The following MACROD2 variants were observed in gnomAD, a reference collection of about 807,000 sequenced individuals.
MACROD2 encodes mono-ADP ribosylhydrolase 2.
MACROD2 carries 36 observed loss-of-function variants against 70.4 expected under a neutral mutation model. The observed-to-expected ratio is 0.51, with a 90% CI of 0.39 to 0.68. The LOEUF is 0.68. MACROD2 is among the 30% of genes least tolerant of loss of function. The probability of loss-of-function intolerance (pLI) is 0.00; values close to 1 mark genes in which losing one functional copy is unlikely to be tolerated. For missense variants in MACROD2, 496 were observed against 538.4 expected, an observed-to-expected ratio of 0.92 and a Z score of 0.78; for synonymous variants, 172 against 178.8, an observed-to-expected ratio of 0.96 and a Z score of 0.30.
chr20:14,083,169 C>T (rs555053077), intron 2 of MACROD2, among the ~76,000 whole-genome samples: 41 of 149,474 alleles, frequency 2.7e-4, no homozygotes, highest in Admixed American at 8.0e-4. Context: ...TGGTGGCTCG[C>T]GCTTGTAATC....
chr20:14,695,187 G>T (rs2071109157), intron 5 of MACROD2, among the ~76,000 whole-genome samples: 1 of 152,100 alleles, frequency 6.6e-6, no homozygotes, highest in Non-Finnish European at 1.5e-5. Context: ...GTGTCAGCAG[G>T]ACCATGCCCC....
At chr20:15,129,522 G>A (rs1033240817) in intron 5 of MACROD2, among the ~76,000 whole-genome samples, 2 of 152,046 alleles carry the variant, frequency 1.3e-5, no homozygotes, top group East Asian at 1.9e-4. Context: ...TATTTTAAAT[G>A]CACTGAAGAA....
intron 6 of MACROD2, among the ~76,000 whole-genome samples, chr20:15,327,449 G>A (rs940964076): frequency 1.3e-5 from 2 of 152,112 alleles, no homozygotes; most frequent in African/African-American, 2.4e-5. Flanking sequence ...TGGCATGACT[G>A]GAATCCTCAG....
chr20:15,796,184 C>T (rs921406364), intron 8 of MACROD2, among the ~76,000 whole-genome samples: 7 of 152,212 alleles, frequency 4.6e-5, no homozygotes, highest in African/African-American at 1.4e-4. Context: ...AATACACATA[C>T]ACTGCCTTAT....
At chr20:14,440,965 C>G (rs970822858) in intron 3 of MACROD2, among the ~76,000 whole-genome samples, 1 of 152,166 alleles carries the variant, frequency 6.6e-6, no homozygotes, top group Non-Finnish European at 1.5e-5. Context: ...GGACTCACCC[C>G]CTTTGCTAGA....
At chr20:15,483,828 A>G (rs994420670) in intron 7 of MACROD2, among the ~76,000 whole-genome samples, 10 of 152,032 alleles carry the variant, frequency 6.6e-5, no homozygotes, top group African/African-American at 1.9e-4. Flanking sequence ...TAGCTAATAT[A>G]GACGGTATTT....
intron 8 of MACROD2, among the ~76,000 whole-genome samples, chr20:15,579,584 T>C (rs1009645522): frequency 2.6e-5 from 4 of 152,210 alleles, no homozygotes; most frequent in Admixed American, 6.5e-5. Flanking sequence ...GGAATTTCCT[T>C]TGTGGAAAAA....
chr20:14,797,405 C>T lies in MACROD2; in HGVS notation c.418+112446C>T, dbSNP rs79019589. Among the ~76,000 whole-genome samples the T allele has an allele frequency of 6.9e-3, 1,052 of 152,108 alleles. 54 individuals carry two copies. In the East Asian group the frequency reaches 0.11, roughly 16 times the overall value. On this transcript the variant is annotated intron_variant, in intron 5 of 17. Coordinates refer to ENST00000684519, the MANE Select transcript of MACROD2 (RefSeq NM_001351661.2). Reference sequence around the variant, plus strand: ...GCTCCTGCAGTTCTCTCCTGGCTCACCTTGTAGCACTCTGTCCCCACTCTC... The same window carrying T: ...GCTCCTGCAGTTCTCTCCTGGCTCATCTTGTAGCACTCTGTCCCCACTCTC...
At chr20:15,727,138 G>T (rs1009425189) in intron 8 of MACROD2, among the ~76,000 whole-genome samples, 5 of 152,068 alleles carry the variant, frequency 3.3e-5, no homozygotes, top group African/African-American at 1.2e-4. Flanking sequence ...TAAGGAAGGA[G>T]TTCAGTTTCA....
At chr20:14,268,088 C>T (rs1353127564) in intron 3 of MACROD2, among the ~76,000 whole-genome samples, 1 of 152,012 alleles carries the variant, frequency 6.6e-6, no homozygotes. Context: ...ATATAACTAT[C>T]ATGTGAACTC....
Position 13,995,656 on chromosome 20 carries a change from CT to C in MACROD2, c.-103del. 4.1e-6 allele frequency: 4 copies of C among 982,972 alleles called. No individual in the cohort carries two copies. The highest frequency in any genetic ancestry group is 6.5e-6 in the Non-Finnish European group (4 of 617,016). 60.9% of individuals were successfully genotyped at this position (982,972 alleles called of 1,614,324 possible). The stretch of plus-strand genomic sequence containing the variant: ...AGCGCAGGACGCAGAGCCTCTTTCA[CT>C]TTTTCCCTGCTGAGTGCCCCCTCCC... On this transcript the variant is annotated 5_prime_UTR_variant, in exon 1 of 18. Coordinates refer to ENST00000684519, the MANE Select transcript of MACROD2 (RefSeq NM_001351661.2). The surrounding 1 kb of genome is among the most constrained non-coding windows in gnomAD (Gnocchi z 4.3).
chr20:13,995,770 C>G lies in MACROD2; in HGVS notation c.7C>G (p.Pro3Ala). Residue 3 changes from proline to alanine, a missense_variant, in exon 1 of 18, where the codon CCC (proline) becomes GCC (alanine). Physicochemically the swap from Pro to Ala is conservative, Grantham distance 27. Transcript: ENST00000684519. This position sits in a 1 kb window ranked among gnomAD's most constrained non-coding sequence, Gnocchi z 4.3. Reference sequence around the variant, plus strand: ...CAGCCACCCCCACGGCAACATGTACCCCAGCAACAAGAAGAAAAAGGTGTG... The same window carrying G: ...CAGCCACCCCCACGGCAACATGTACGCCAGCAACAAGAAGAAAAAGGTGTG... MY[P>A]SNKKKKVWRE... 6.2e-7 allele frequency: 1 copy of G among 1,612,116 alleles called. No homozygotes were observed. The highest frequency in any genetic ancestry group is 8.5e-7 in the Non-Finnish European group (1 of 1,179,006).
chr20:15,889,161 T>C (rs911844807), intron 10 of MACROD2, among the ~76,000 whole-genome samples: 1 of 152,168 alleles, frequency 6.6e-6, no homozygotes, highest in African/African-American at 2.4e-5. Context: ...CAGATTTCTA[T>C]GGTATAAACA....
chr20:15,234,152 C>T (rs1311903965), intron 6 of MACROD2, among the ~76,000 whole-genome samples: 2 of 139,930 alleles, frequency 1.4e-5, no homozygotes, highest in African/African-American at 5.2e-5. Context: ...CTGCCTCAGC[C>T]TCCCGAGTAG....
At chr20:14,637,331 C>T (rs866414382) in intron 4 of MACROD2, among the ~76,000 whole-genome samples, 22 of 152,150 alleles carry the variant, frequency 1.4e-4, no homozygotes, top group Non-Finnish European at 1.2e-4. Flanking sequence ...TAAAGATGCT[C>T]TTCAGATACT....
chr20:14,881,560 G>C (rs892852202), intron 5 of MACROD2, among the ~76,000 whole-genome samples: 1 of 151,920 alleles, frequency 6.6e-6, no homozygotes. Context: ...AAGAAGTTTC[G>C]GGGTAGCTCT....
intron 6 of MACROD2, among the ~76,000 whole-genome samples, chr20:15,312,379 C>T (rs1020880811): frequency 2.0e-5 from 3 of 152,084 alleles, no homozygotes; most frequent in East Asian, 1.9e-4. Context: ...TAAAATAATA[C>T]GATGACTGGG....
chr20:14,014,627 CAG>C (rs1339277159), intron 2 of MACROD2, among the ~76,000 whole-genome samples: 2 of 148,864 alleles, frequency 1.3e-5, no homozygotes, highest in Non-Finnish European at 3.0e-5. Context: ...TTTGCTTCTC[CAG>C]AGTTAATTCA....
intron 8 of MACROD2, among the ~76,000 whole-genome samples, chr20:15,536,102 A>G (rs532878535): frequency 3.9e-5 from 6 of 152,320 alleles, no homozygotes; most frequent in African/African-American, 1.2e-4. Context: ...CTTCCACACG[A>G]TACCGTTCCC....
Sources: gnomAD v4.1 joint callset for allele counts (sites outside exome capture counted in the v4.1 genomes callset) on GRCh38, gnomAD v4.1.1 for gene constraint, Gnocchi (gnomAD v3.1) non-coding constraint, MANE v1.5 for transcripts, NCBI Gene and HGNC (gene_info 2026-07-23, HGNC 2026-07-21) for gene names.